Variants in HID1 observed in about 807,000 individuals in gnomAD.
The protein encoded by HID1 is HID1 domain containing.
A neutral mutation model predicts 89.7 loss-of-function variants in HID1; 42 were observed. The observed-to-expected ratio is 0.47, with a 90% CI of 0.37 to 0.61. The LOEUF is 0.61. Among genes scored for constraint, HID1 ranks in the 20% least tolerant of loss-of-function variants. HID1 has a pLI of 0.00. For missense variants in HID1, 854 were observed against 1,039.3 expected (o/e 0.82, Z 2.45); for synonymous variants, 442 against 433.8 (o/e 1.02, Z -0.24).
At chr17:74,970,307 T>A (rs1408688998) in intron 1 of HID1, among the ~76,000 whole-genome samples, 1 of 152,142 alleles carries the variant, frequency 6.6e-6, no homozygotes, top group Admixed American at 6.6e-5. Context: ...ATCTTTTGAC[T>A]CTCAGGGTGT....
At position 74,955,943 on chromosome 17, in the gene HID1, G is replaced by A. The variant is rs757536446; in HGVS notation, c.1485C>T (p.Leu495=). The A allele has an allele frequency of 2.5e-6, 4 of 1,613,890 alleles. No individual in the cohort carries two copies. In the South Asian group the frequency reaches 4.4e-5, roughly 18 times the overall value. The change falls in exon 13 of 19, where the codon CTC becomes CTT. Residue 495 remains leucine (L), a synonymous_variant. Transcript: ENST00000425042. ...TGGCAGTCACCATGGACAGGCTCTT[G>A]AGGTAGGGGGACACTGTAAGGGAGG... ...LTIVVNVSPY[L]KSLSMVTANK... is the part of the protein sequence containing the mutation.
chr17:74,955,732 T>G, intron 13 of HID1, 60 bp downstream of exon 13: 5 of 1,534,040 alleles, frequency 3.3e-6, no homozygotes, highest in African/African-American at 1.4e-5. Flanking sequence ...GTGCCCCCCT[T>G]ATGTAGGAAG....
intron 1 of HID1, among the ~76,000 whole-genome samples, chr17:74,971,659 G>A (rs2039649382): frequency 6.6e-6 from 1 of 152,194 alleles, no homozygotes; most frequent in Admixed American, 6.5e-5. Flanking sequence ...TGAAAATGGG[G>A]GACATGGGGA....
At chr17:74,960,345 C>T in intron 6 of HID1, 97 bp from the exon 7 acceptor site, 1 of 1,073,110 alleles carries the variant, frequency 9.3e-7, no homozygotes, top group Non-Finnish European at 1.3e-6. Context: ...CCTCATTCAA[C>T]AAGCATTTTA....
At chr17:74,951,701 G>A in intron 18 of HID1, 68 bp from the exon 19 acceptor site, 1 of 1,520,376 alleles carries the variant, frequency 6.6e-7, no homozygotes, top group Non-Finnish European at 9.0e-7. Context: ...GGAGGAGCTG[G>A]GCAGCAGGAA....
At chr17:74,966,095 G>A (rs2039558511) in intron 1 of HID1, among the ~76,000 whole-genome samples, 1 of 151,906 alleles carries the variant, frequency 6.6e-6, no homozygotes, top group African/African-American at 2.4e-5. Flanking sequence ...GACCAGCCTG[G>A]CCAAGATGGT....
At chr17:74,963,292 A>C in intron 3 of HID1, 2 of 541,930 alleles carry the variant, frequency 3.7e-6, no homozygotes, top group Non-Finnish European at 3.3e-6. Context: ...CAGCGAGGGA[A>C]CCTCCCCTAC....
rs756719835 is a variant in HID1, at chr17:74,962,766, G to A, written c.504+199C>T. On this transcript the variant is annotated intron_variant, in intron 4 of 18. Transcript: ENST00000425042. The surrounding 1 kb of genome is among the most constrained non-coding windows in gnomAD (Gnocchi z 4.3). Reference sequence around the variant, plus strand: ...GGTGTCTGTGCCCAGCCATCCGAACGCAGCGGGCAGGGCCAGCCCCAGCTG... The same window carrying A: ...GGTGTCTGTGCCCAGCCATCCGAACACAGCGGGCAGGGCCAGCCCCAGCTG... Among the ~76,000 whole-genome samples the A allele has an allele frequency of 7.2e-5, 11 of 152,186 alleles. No individual in the cohort carries two copies. Among genetic ancestry groups the A allele is most frequent in the Non-Finnish European group, 1.3e-4 (9 of 68,026 alleles).
intron 12 of HID1, among the ~76,000 whole-genome samples, chr17:74,956,297 G>C (rs2039390050): frequency 6.6e-6 from 1 of 152,218 alleles, no homozygotes; most frequent in African/African-American, 2.4e-5. Context: ...GAGGCTCAGA[G>C]AAGGTTGTAA....
intron 12 of HID1, 165 bp downstream of exon 12, chr17:74,957,976 A>ATTGTTGTCAC: frequency 1.6e-6 from 1 of 609,226 alleles, no homozygotes; most frequent in Non-Finnish European, 2.9e-6. Flanking sequence ...ATATTATTCA[A>ATTGTTGTCAC]TTGTTGTCAC....
At chr17:74,970,521 C>T (rs1010389663) in intron 1 of HID1, among the ~76,000 whole-genome samples, 1 of 152,168 alleles carries the variant, frequency 6.6e-6, no homozygotes, top group South Asian at 2.1e-4. Context: ...GCCCCACCTA[C>T]TATGAGGAAG....
intron 1 of HID1, among the ~76,000 whole-genome samples, chr17:74,969,767 A>C (rs1459181842): frequency 6.6e-6 from 1 of 150,950 alleles, no homozygotes; most frequent in Non-Finnish European, 1.5e-5. Flanking sequence ...CAGCCCAGCT[A>C]ATTTTTTTTA....
intron 2 of HID1, 69 bp downstream of exon 2, chr17:74,964,414 T>A: frequency 6.6e-7 from 1 of 1,516,328 alleles, no homozygotes; most frequent in Non-Finnish European, 8.9e-7. Flanking sequence ...AGGCCCTGGA[T>A]GCGCCTGCCT....
At chr17:74,952,974 C>A in intron 16 of HID1, 32 bp downstream of exon 16, 4 of 1,547,554 alleles carry the variant, frequency 2.6e-6, no homozygotes, top group Non-Finnish European at 3.5e-6. Context: ...AAACCCCAGC[C>A]CCCGCTCGCC....
Position 74,958,660 on chromosome 17 carries a change from A to G in HID1, c.1240+13T>C, listed in dbSNP as rs770758545. The stretch of plus-strand genomic sequence containing the variant: ...GGAAAGCCCCCAGCATCCCACCCCC[A>G]CCCTGGTCTTACACTGATCGGCCCG... On this transcript the variant is annotated intron_variant, in intron 10 of 18. Coordinates refer to ENST00000425042, the MANE Select transcript of HID1 (RefSeq NM_030630.3). The surrounding 1 kb of genome is among the most constrained non-coding windows in gnomAD (Gnocchi z 5.2). The G allele has an allele frequency of 2.8e-5, 14 of 503,986 alleles. No homozygotes were observed. The Admixed American group carries it at 4.6e-4, about 16-fold the overall frequency. The allele number at this position is 503,986 out of a possible 1,614,324, so 31.2% of individuals were successfully genotyped here.
intron 14 of HID1, among the ~76,000 whole-genome samples, chr17:74,953,919 CAG>C (rs2039346461): frequency 1.3e-5 from 2 of 152,154 alleles, no homozygotes; most frequent in South Asian, 4.2e-4. Flanking sequence ...CCCATCCCTC[CAG>C]AGTCTACACT....
rs756009425 is a variant in HID1, at chr17:74,958,114, C to T, written c.1471+27G>A. Reference sequence around the variant, plus strand: ...GCCTGACACCACCTGGTGGTGAGCGCGGGGAGTGCAAGCTCCGGGCCCCTA... The same window carrying T: ...GCCTGACACCACCTGGTGGTGAGCGTGGGGAGTGCAAGCTCCGGGCCCCTA... On this transcript the variant is annotated intron_variant, in intron 12 of 18. Coordinates refer to ENST00000425042, the MANE Select transcript of HID1 (RefSeq NM_030630.3). The surrounding 1 kb of genome is among the most constrained non-coding windows in gnomAD (Gnocchi z 5.2). 5.5e-5 allele frequency: 87 copies of T among 1,576,514 alleles called. No individual in the cohort carries two copies. Among genetic ancestry groups the T allele is most frequent in the South Asian group, 3.5e-4 (30 of 86,586 alleles).
intron 15 of HID1, 55 bp downstream of exon 15, chr17:74,953,490 C>A: frequency 6.9e-7 from 1 of 1,453,646 alleles, no homozygotes; most frequent in Non-Finnish European, 9.6e-7. Flanking sequence ...CTGCAGAGAC[C>A]AGGGAGGAAG....
intron 12 of HID1, among the ~76,000 whole-genome samples, chr17:74,956,758 T>C (rs2039396635): frequency 6.6e-6 from 1 of 152,196 alleles, no homozygotes; most frequent in Non-Finnish European, 1.5e-5. Context: ...ACTGAAGGCA[T>C]TTTGCCCCAG....
Sources: gnomAD v4.1 joint callset for allele counts (sites outside exome capture counted in the v4.1 genomes callset) on GRCh38, gnomAD v4.1.1 for gene constraint, Gnocchi (gnomAD v3.1) non-coding constraint, MANE v1.5 for transcripts, NCBI Gene and HGNC (gene_info 2026-07-23, HGNC 2026-07-21) for gene names.